HERC3: variants seen among roughly 807,000 people sequenced by gnomAD.
HERC3 encodes the protein probable E3 ubiquitin-protein ligase HERC3.
HERC3 carries 58 observed loss-of-function variants against 129.9 expected under a neutral mutation model. That is an observed-to-expected ratio of 0.45 (90% CI 0.36 to 0.56). The LOEUF is 0.56. Ranked by LOEUF, HERC3 falls within the 20% of genes least tolerant of loss-of-function variation. HERC3 has a pLI of 0.00. For synonymous variants in HERC3, 430 were observed against 451.0 expected, an observed-to-expected ratio of 0.95 and a Z score of 0.59; for missense variants, 835 against 1,244.2, an observed-to-expected ratio of 0.67 and a Z score of 4.95.
chr4:88,587,771 G>A, upstream of HERC3, among the ~76,000 whole-genome samples: 1 of 152,152 alleles, frequency 6.6e-6, no homozygotes, highest in East Asian at 1.9e-4. Context: ...GCCTCTAGAA[G>A]GGTGAGACAG....
chr4:88,695,734 A>G (rs1734538438), intron 23 of HERC3, among the ~76,000 whole-genome samples: 2 of 152,158 alleles, frequency 1.3e-5, no homozygotes, highest in Admixed American at 6.5e-5. Context: ...TAGGATTTAT[A>G]TGTATTAATC....
chr4:88,610,525 C>T (rs2149202570), intron 3 of HERC3, among the ~76,000 whole-genome samples: 1 of 152,140 alleles, frequency 6.6e-6, no homozygotes, highest in Admixed American at 6.5e-5. Flanking sequence ...CTCATTTTAC[C>T]CAGCTCTTGT....
rs200532115 is a variant in HERC3, at chr4:88,655,971, T to C, written c.1005T>C (p.Val335=). ...TAGGAACTGGGCACACTTGTAATGT[T>C]AAGTGCCCATCTCCTGTCAAGGGTT... The part of the protein sequence containing the change: ...GQLGTGHTCN[V]KCPSPVKGYW... The change falls in exon 9 of 26, where the codon GTT becomes GTC. Residue 335 remains valine, a synonymous_variant. Coordinates refer to ENST00000402738, the MANE Select transcript of HERC3 (RefSeq NM_014606.3). The C allele has an allele frequency of 4.3e-6, 7 of 1,614,090 alleles. No individual in the cohort carries two copies. The highest frequency in any genetic ancestry group is 5.1e-6 in the Non-Finnish European group (6 of 1,179,934).
chr4:88,617,599 C>T (rs552127824), intron 3 of HERC3, among the ~76,000 whole-genome samples: 13 of 152,282 alleles, frequency 8.5e-5, no homozygotes, highest in African/African-American at 3.1e-4. Context: ...AGGCTGGGTG[C>T]AGTGGCTCAC....
the HERC3 span, among the ~76,000 whole-genome samples, chr4:88,577,617 A>ATACATATATATGT: frequency 6.7e-5 from 10 of 149,766 alleles, no homozygotes; most frequent in East Asian, 1.9e-4. Flanking sequence ...ATATATATAT[A>ATACATATATATGT]ATAGGTTTGT....
chr4:88,539,511 C>T, the HERC3 span, among the ~76,000 whole-genome samples: 2 of 152,226 alleles, frequency 1.3e-5, 1 homozygote, highest in Non-Finnish European at 2.9e-5. Flanking sequence ...GAACAAAAGG[C>T]AGCAGACAAG....
upstream of HERC3, among the ~76,000 whole-genome samples, chr4:88,591,433 C>A (rs921580131): frequency 6.6e-6 from 1 of 152,118 alleles, no homozygotes; most frequent in African/African-American, 2.4e-5. Flanking sequence ...GTTCTCAGGA[C>A]GAGCGATTGC....
intron 12 of HERC3, 69 bp downstream of exon 12, chr4:88,664,281 A>C: frequency 1.6e-6 from 2 of 1,276,810 alleles, no homozygotes; most frequent in Non-Finnish European, 2.3e-6. Context: ...GAAGGCTGAC[A>C]CAGGAGGATT....
At chr4:88,578,013 C>T in the HERC3 span, among the ~76,000 whole-genome samples, 1 of 152,114 alleles carries the variant, frequency 6.6e-6, no homozygotes, top group African/African-American at 2.4e-5. Flanking sequence ...TTTGATGAAG[C>T]CCAGCTGTTT....
intron 4 of HERC3, among the ~76,000 whole-genome samples, chr4:88,651,604 C>T (rs1220495858): frequency 6.6e-6 from 1 of 152,214 alleles, no homozygotes; most frequent in Non-Finnish European, 1.5e-5. Flanking sequence ...TACAATTTCT[C>T]TATTATCTGT....
rs1219655959 is a variant in HERC3 at position 88,683,948 on chromosome 4, C to T, written c.2507+2623C>T. On this transcript the variant is annotated intron_variant, in intron 21 of 25. Coordinates refer to ENST00000402738, the MANE Select transcript of HERC3 (RefSeq NM_014606.3). ...ATTAGCTGTCATTAGTGTTAGTGTA[C>T]CACTGCTCAAAGAAATAAGAGACAA... Among the ~76,000 whole-genome samples, 6 of 152,072 alleles carry T rather than the reference C, an allele frequency of 3.9e-5. No individual in the cohort carries two copies. The South Asian group carries it at 1.2e-3, about 32-fold the overall frequency.
At chr4:88,540,887 A>G in the HERC3 span, among the ~76,000 whole-genome samples, 1 of 152,240 alleles carries the variant, frequency 6.6e-6, no homozygotes, top group Non-Finnish European at 1.5e-5. Context: ...AGACAAGAAA[A>G]AGGCTGAGAG....
intron 3 of HERC3, among the ~76,000 whole-genome samples, chr4:88,610,406 T>C (rs1297166996): frequency 7.1e-6 from 1 of 140,760 alleles, no homozygotes; most frequent in African/African-American, 2.7e-5. Context: ...TGAGCCGAGA[T>C]CACGCCACTG....
At chr4:88,627,892 G>A (rs1156336430) in intron 3 of HERC3, among the ~76,000 whole-genome samples, 3 of 99,672 alleles carry the variant, frequency 3.0e-5, no homozygotes, top group Admixed American at 1.3e-4. Context: ...CAACAAAAGC[G>A]AAACTCCGTC....
chr4:88,528,901 T>A, the HERC3 span, among the ~76,000 whole-genome samples: 2 of 152,202 alleles, frequency 1.3e-5, no homozygotes, highest in Non-Finnish European at 1.5e-5. Context: ...CTTAATTTTT[T>A]AAAAAATCAA....
the HERC3 span, among the ~76,000 whole-genome samples, chr4:88,581,560 C>T: frequency 6.6e-6 from 1 of 151,908 alleles, no homozygotes; most frequent in East Asian, 1.9e-4. Context: ...CTCACCTTGG[C>T]CTCCTAAAGT....
intron 3 of HERC3, among the ~76,000 whole-genome samples, chr4:88,628,858 G>A (rs997812884): frequency 6.6e-6 from 1 of 152,152 alleles, no homozygotes; most frequent in Non-Finnish European, 1.5e-5. Flanking sequence ...GAGGAGGGAA[G>A]TGGTAAGAAG....
At chr4:88,565,534 T>C in the HERC3 span, among the ~76,000 whole-genome samples, 2 of 152,194 alleles carry the variant, frequency 1.3e-5, no homozygotes, top group Non-Finnish European at 2.9e-5. Flanking sequence ...TTTTGTCTGA[T>C]ATAAGTATAG....
rs986114663 is a variant in HERC3, at chr4:88,652,172, G to A, written c.463+84G>A. On this transcript the variant is annotated intron_variant, in intron 5 of 25. Transcript: ENST00000402738. ...TCTTTTTGTGTGATATTATCTAACTGAAAACTTTGAATTAACTGGTTAGGG... is the reference window on the plus strand; with the variant it reads ...TCTTTTTGTGTGATATTATCTAACTAAAAACTTTGAATTAACTGGTTAGGG... 6 of 1,045,380 alleles carry A rather than the reference G, an allele frequency of 5.7e-6. No homozygotes were observed. The South Asian group carries it at 7.7e-5, about 13-fold the overall frequency. 64.8% of individuals were successfully genotyped at this position (1,045,380 alleles called of 1,614,324 possible). A position where few individuals can be genotyped will look rare whatever the true frequency, so the allele number is the denominator to read the frequency against.
Sources: gnomAD v4.1 joint callset for allele counts (sites outside exome capture counted in the v4.1 genomes callset) on GRCh38, gnomAD v4.1.1 for gene constraint, MANE v1.5 for transcripts, NCBI Gene and HGNC (gene_info 2026-07-23, HGNC 2026-07-21) for gene names.